Variants in PLEKHG4B observed in about 807,000 individuals in gnomAD.
PLEKHG4B encodes the protein pleckstrin homology and RhoGEF domain containing G4B.
Under a neutral mutation model 121.3 loss-of-function variants are expected in PLEKHG4B, and 111 were observed. The ratio of observed to expected loss-of-function variants is 0.92; its 90% CI spans 0.78 to 1.07. The LOEUF (loss-of-function observed/expected upper bound fraction) is 1.07. Ranked by LOEUF, PLEKHG4B falls within the 50% of genes least tolerant of loss-of-function variation. The pLI is 0.00. For missense variants in PLEKHG4B, 1,831 were observed against 1,757.8 expected, an observed-to-expected ratio of 1.04 and a Z score of -0.74; for synonymous variants, 738 against 725.0, an observed-to-expected ratio of 1.02 and a Z score of -0.29.
At chr5:173,270 T>A (rs1736631973) in intron 17 of PLEKHG4B, among the ~76,000 whole-genome samples, 1 of 152,206 alleles carries the variant, frequency 6.6e-6, no homozygotes, top group Non-Finnish European at 1.5e-5. Flanking sequence ...GAAGTGTGTC[T>A]TCTCCAGTCC....
intron 1 of PLEKHG4B, among the ~76,000 whole-genome samples, chr5:92,577 G>T (rs895787623): frequency 6.6e-6 from 1 of 151,092 alleles, no homozygotes; most frequent in Non-Finnish European, 1.5e-5. Flanking sequence ...CGTGCTGGGG[G>T]TCCTGGCGTG....
chr5:164,737 CG>C (rs1406118376), intron 13 of PLEKHG4B, among the ~76,000 whole-genome samples: 2 of 96,990 alleles, frequency 2.1e-5, no homozygotes, highest in Non-Finnish European at 4.1e-5. Flanking sequence ...AATACTCTGA[CG>C]GGGCGGGGCT....
At chr5:172,016 A>T (rs1736570452) in intron 16 of PLEKHG4B, among the ~76,000 whole-genome samples, 1 of 152,192 alleles carries the variant, frequency 6.6e-6, no homozygotes, top group Non-Finnish European at 1.5e-5. Context: ...GGGTGAGCTG[A>T]GAAATGGCCG....
chr5:146,675 C>T (rs1185702040), intron 6 of PLEKHG4B, among the ~76,000 whole-genome samples: 4 of 130,522 alleles, frequency 3.1e-5, no homozygotes, highest in Admixed American at 1.5e-4. Context: ...CTCCCCCCTC[C>T]TCTCCTCCCC....
intron 1 of PLEKHG4B, among the ~76,000 whole-genome samples, chr5:102,292 T>G (rs1733844809): frequency 6.6e-6 from 1 of 152,188 alleles, no homozygotes; most frequent in African/African-American, 2.4e-5. Context: ...GTCATTTTAT[T>G]ATTGTTATGA....
chr5:141,880 G>A (rs780481208), intron 3 of PLEKHG4B, among the ~76,000 whole-genome samples: 5 of 152,082 alleles, frequency 3.3e-5, no homozygotes, highest in Non-Finnish European at 7.4e-5. Flanking sequence ...GGCTCCCCCC[G>A]CGGTGCCTGG....
Position 143,263 on chromosome 5 carries a change from G to C in PLEKHG4B, c.1687+7G>C, listed in dbSNP as rs779017572. The C allele has an allele frequency of 3.7e-6, 6 of 1,609,560 alleles. No individual in the cohort carries two copies. The highest frequency in any genetic ancestry group is 1.3e-5 in the African/African-American group (1 of 74,938). Reference sequence around the variant, plus strand: ...GGGGTCGTCACCCTCCCAGGTGAGAGCACATGCCAGGCTCTCCTGTCAGGG... The same window carrying C: ...GGGGTCGTCACCCTCCCAGGTGAGACCACATGCCAGGCTCTCCTGTCAGGG... On this transcript the variant is annotated splice_region_variant and intron_variant, in intron 4 of 19. Transcript: ENST00000637938.
chr5:155,708 G>A (rs1033889364), intron 9 of PLEKHG4B, among the ~76,000 whole-genome samples: 2 of 152,184 alleles, frequency 1.3e-5, no homozygotes, highest in East Asian at 1.9e-4. Context: ...ACCGCTGCTC[G>A]GAACGAGCCA....
At position 139,422 on chromosome 5, in the gene PLEKHG4B, G is replaced by A; in HGVS notation, c.244-61G>A. The stretch of plus-strand genomic sequence containing the variant: ...TTCCCCTGAGGGGTGGAGACCCAGG[G>A]CATGGAAGGGCTCAGGACATGGCCG... On this transcript the variant is annotated intron_variant, in intron 2 of 19. Transcript: ENST00000637938. This position sits in a 1 kb window ranked among gnomAD's most constrained non-coding sequence, Gnocchi z 5.0. 2.5e-6 allele frequency: 1 copy of A among 398,894 alleles called. No individual in the cohort carries two copies. The highest frequency in any genetic ancestry group is 4.4e-6 in the Non-Finnish European group (1 of 226,192). The allele number at this position is 398,894 out of a possible 1,614,324, so 24.7% of individuals were successfully genotyped here. A position where few individuals can be genotyped will look rare whatever the true frequency, so the allele number is the denominator to read the frequency against.
chr5:94,682 C>T (rs529032513), intron 1 of PLEKHG4B, among the ~76,000 whole-genome samples: 6 of 151,802 alleles, frequency 4.0e-5, no homozygotes, highest in Non-Finnish European at 7.4e-5. Flanking sequence ...GCAGAAGGCA[C>T]CCAACATTTC....
intron 18 of PLEKHG4B, among the ~76,000 whole-genome samples, chr5:177,361 T>G (rs1385557566): frequency 6.6e-6 from 1 of 152,228 alleles, no homozygotes; most frequent in Non-Finnish European, 1.5e-5. Flanking sequence ...AACTTCCACT[T>G]TAATTTATTC....
At position 186,648 on chromosome 5, in the gene PLEKHG4B, C is replaced by T. The variant is rs535382611; in HGVS notation, c.*4325C>T. On this transcript the variant is annotated 3_prime_UTR_variant, in exon 20 of 20. Coordinates refer to ENST00000637938, the MANE Select transcript of PLEKHG4B (RefSeq NM_052909.5). Reference sequence around the variant, plus strand: ...ACAGCCCTGGAGCCCTGGCCTGGCCCAGCATCTCCCAGAGTCACTTCCTGA... The same window carrying T: ...ACAGCCCTGGAGCCCTGGCCTGGCCTAGCATCTCCCAGAGTCACTTCCTGA... 6.5e-6 allele frequency: 1 copy of T among 152,732 alleles called. No homozygotes were observed. The highest frequency in any genetic ancestry group is 2.1e-4 in the South Asian group (1 of 4,842). 9.5% of individuals were successfully genotyped at this position (152,732 alleles called of 1,614,324 possible).
rs769935848 is a variant in PLEKHG4B at position 155,433 on chromosome 5, G to A, written c.2198G>A (p.Arg733Lys). The A allele has an allele frequency of 1.2e-6, 2 of 1,613,788 alleles. No individual in the cohort carries two copies. The highest frequency in any genetic ancestry group is 2.2e-5 in the South Asian group (2 of 91,072). Residue 733 changes from arginine (R) to lysine (K), a missense_variant, in exon 9 of 20, where the codon AGA (arginine) becomes AAA (lysine). Coordinates refer to ENST00000637938, the MANE Select transcript of PLEKHG4B (RefSeq NM_052909.5). ...TCCCTGAACACCCACAGAACCCCAA[G>A]AACAGCCCAGGTGAGTCCTCAGACT... ...FCSLNTHRTP[R>K]TAQEVAELID...
intron 2 of PLEKHG4B, among the ~76,000 whole-genome samples, chr5:138,242 G>T (rs1260362016): frequency 1.3e-5 from 2 of 152,190 alleles, no homozygotes; most frequent in African/African-American, 4.8e-5. Context: ...GTTATTTTCT[G>T]AAATGAGGGT....
At chr5:163,726 C>T (rs1272251403) in intron 13 of PLEKHG4B, among the ~76,000 whole-genome samples, 178 bp downstream of exon 13, 1 of 152,190 alleles carries the variant, frequency 6.6e-6, no homozygotes, top group Non-Finnish European at 1.5e-5. Flanking sequence ...GAGTTACCTG[C>T]CCCCATGTCC....
In PLEKHG4B at chr5:171,369, C is replaced by T. The variant is rs764397404; in HGVS notation, c.3975C>T (p.Ala1325=). The part of the protein sequence containing the change: ...AQGQELGELR[A]AEVVVCFQLR... ...GGCAGGAGCTGGGCGAGCTCCGAGC[C>T]GCCGAGGTCGTGGTCTGCTTCCAGC... Residue 1325 remains alanine (A), a synonymous_variant, in exon 16 of 20, where the codon GCC becomes GCT. Transcript: ENST00000637938. 7.4e-6 allele frequency: 12 copies of T among 1,611,444 alleles called. No homozygotes were observed. Among genetic ancestry groups the T allele is most frequent in the African/African-American group, 4.0e-5 (3 of 74,920 alleles).
chr5:147,538 A>C (rs1371734208), intron 6 of PLEKHG4B, among the ~76,000 whole-genome samples: 2 of 152,220 alleles, frequency 1.3e-5, no homozygotes, highest in Non-Finnish European at 2.9e-5. Context: ...TGGAAAAAAG[A>C]ATACATATGC....
At position 137,630 on chromosome 5, in the gene PLEKHG4B, G is replaced by T. The variant is rs1216500652; in HGVS notation, c.244-1853G>T. On this transcript the variant is annotated intron_variant, in intron 2 of 19. Coordinates refer to ENST00000637938, the MANE Select transcript of PLEKHG4B (RefSeq NM_052909.5). This position sits in a 1 kb window ranked among gnomAD's most constrained non-coding sequence, Gnocchi z 4.2. ...TGTGGGAGGGCAAAAGGCATGAAAG[G>T]CTCCAACACCCTCCCATTTCTGTTT... Among the ~76,000 whole-genome samples the T allele has an allele frequency of 6.6e-6, 1 of 152,194 alleles. No individual in the cohort carries two copies. Among genetic ancestry groups the T allele is most frequent in the Non-Finnish European group, 1.5e-5 (1 of 68,040 alleles).
At chr5:143,749 A>G (rs1735310331) in intron 5 of PLEKHG4B, among the ~76,000 whole-genome samples, 1 of 152,222 alleles carries the variant, frequency 6.6e-6, no homozygotes, top group Non-Finnish European at 1.5e-5. Context: ...CGGGGCAGAC[A>G]GGGCACACTC....
Sources: gnomAD v4.1 joint callset for allele counts (sites outside exome capture counted in the v4.1 genomes callset) on GRCh38, gnomAD v4.1.1 for gene constraint, Gnocchi (gnomAD v3.1) non-coding constraint, MANE v1.5 for transcripts, NCBI Gene and HGNC (gene_info 2026-07-23, HGNC 2026-07-21) for gene names.